Variants in CENPQ observed in about 807,000 individuals in gnomAD.
CENPQ encodes the protein centromere protein Q.
A neutral mutation model predicts 36.6 loss-of-function variants in CENPQ; 27 were observed. The ratio of observed to expected loss-of-function variants is 0.74; its 90% CI spans 0.54 to 1.02. The LOEUF is 1.02. CENPQ is among the 50% of genes least tolerant of loss of function. CENPQ has a pLI of 0.00. For synonymous variants in CENPQ, 101 were observed against 101.7 expected, an observed-to-expected ratio of 0.99 and a Z score of 0.04; for missense variants, 306 against 301.8, an observed-to-expected ratio of 1.01 and a Z score of -0.10.
rs937798835 is a variant in CENPQ, at chr6:49,465,759, G to C, written c.-19+2306G>C. 2.0e-5 allele frequency among the ~76,000 whole-genome samples: 3 copies of C among 152,268 alleles called. No individual in the cohort carries two copies. In the South Asian group the frequency reaches 6.2e-4, roughly 32 times the overall value. On this transcript the variant is annotated intron_variant, in intron 1 of 8. Transcript: ENST00000335783. ...TGAGTTAAGACCTTGCCATGAATTCGTCTTTGGTTTAAGGGCGTGTTGTGG... is the reference window on the plus strand; with the variant it reads ...TGAGTTAAGACCTTGCCATGAATTCCTCTTTGGTTTAAGGGCGTGTTGTGG...
At chr6:49,467,590 C>CT (rs748563987) in intron 1 of CENPQ, among the ~76,000 whole-genome samples, 10 of 151,210 alleles carry the variant, frequency 6.6e-5, no homozygotes, top group Non-Finnish European at 1.2e-4. Context: ...TAAAATTACT[C>CT]TATCAAATTG....
intron 6 of CENPQ, among the ~76,000 whole-genome samples, chr6:49,485,625 T>C (rs1475567231): frequency 6.6e-6 from 1 of 151,980 alleles, no homozygotes; most frequent in Admixed American, 6.6e-5. Flanking sequence ...TTAGAAATAC[T>C]GATAAATGTA....
At chr6:49,472,333 CT>C in intron 4 of CENPQ, 150 bp downstream of exon 4, 1 of 636,688 alleles carries the variant, frequency 1.6e-6, no homozygotes, top group Non-Finnish European at 2.3e-6. Flanking sequence ...CGGTATTTGC[CT>C]TCAGCAGAAA....
chr6:49,471,989 A>G, intron 3 of CENPQ, 74 bp from the exon 4 acceptor site: 2 of 1,461,798 alleles, frequency 1.4e-6, no homozygotes, highest in South Asian at 1.5e-5. Flanking sequence ...TTTTTAGATG[A>G]AAACATTCCA....
chr6:49,470,667 C>T (rs1208684973), intron 2 of CENPQ, among the ~76,000 whole-genome samples: 1 of 149,798 alleles, frequency 6.7e-6, no homozygotes, highest in African/African-American at 2.4e-5. Context: ...TTACCCTACT[C>T]ATTAGGCAAT....
chr6:49,492,646 G>T lies in CENPQ; in HGVS notation c.*371G>T. 6.4e-6 allele frequency: 1 copy of T among 156,050 alleles called. No individual in the cohort carries two copies. Among genetic ancestry groups the T allele is most frequent in the Non-Finnish European group, 1.4e-5 (1 of 70,816 alleles). The allele number at this position is 156,050 out of a possible 1,614,324, so 9.7% of individuals were successfully genotyped here. On this transcript the variant is annotated 3_prime_UTR_variant, in exon 9 of 9. Coordinates refer to ENST00000335783, the MANE Select transcript of CENPQ (RefSeq NM_018132.4). ...TAAGTGTTTACATACACTGTCTAGTGCATAAAAACCTTAGTGTTTGCTATC... is the reference window on the plus strand; with the variant it reads ...TAAGTGTTTACATACACTGTCTAGTTCATAAAAACCTTAGTGTTTGCTATC...
chr6:49,486,934 G>A (rs542067650), intron 6 of CENPQ, among the ~76,000 whole-genome samples: 15 of 151,530 alleles, frequency 9.9e-5, no homozygotes, highest in Admixed American at 5.9e-4. Context: ...ATAACCAGAG[G>A]TCAGGAGTTC....
At chr6:49,485,920 C>G (rs1768566146) in intron 6 of CENPQ, among the ~76,000 whole-genome samples, 2 of 152,028 alleles carry the variant, frequency 1.3e-5, no homozygotes, top group African/African-American at 4.8e-5. Context: ...TTATATTTAA[C>G]CCTTTTGTTC....
rs773250167 is a variant in CENPQ at position 49,470,180 on chromosome 6, T to G, written c.4T>G (p.Ser2Ala). Reference protein sequence around the residue: MSGKANASKKNA... With the variant: MAGKANASKKNA... ...GAAGCACTGTGTTTAGATCAAGATG[T>G]CTGGTAAAGCAAATGCTTCCAAGAA... The change falls in exon 2 of 9, where the codon TCT (serine) becomes GCT (alanine). Residue 2 changes from serine to alanine, a missense_variant. Ser to Ala is a moderately conservative substitution (Grantham distance 99, BLOSUM62 1). Transcript: ENST00000335783. The G allele has an allele frequency of 6.9e-6, 11 of 1,590,514 alleles. No homozygotes were observed. Among genetic ancestry groups the G allele is most frequent in the African/African-American group, 1.4e-5 (1 of 73,656 alleles).
chr6:49,484,312 A>C (rs1467114920), intron 6 of CENPQ, among the ~76,000 whole-genome samples: 4 of 152,222 alleles, frequency 2.6e-5, no homozygotes, highest in Admixed American at 2.6e-4. Context: ...TAAAGTTGAG[A>C]TGCTAACTTT....
chr6:49,477,948 C>T lies in CENPQ; in HGVS notation c.348-3003C>T, dbSNP rs187412538. Among the ~76,000 whole-genome samples, 202 of 152,250 alleles carry T rather than the reference C, an allele frequency of 1.3e-3. 2 individuals are homozygous for T. Among genetic ancestry groups the T allele is most frequent in the African/African-American group, 4.7e-3 (196 of 41,552 alleles). ...GTTTAGTTTATGAATGTGACTATTA[C>T]ATAATAGTTGCTGTTCATAGTGATC... On this transcript the variant is annotated intron_variant, in intron 5 of 8. Coordinates refer to ENST00000335783, the MANE Select transcript of CENPQ (RefSeq NM_018132.4).
chr6:49,472,595 G>A (rs927717068), intron 4 of CENPQ, among the ~76,000 whole-genome samples, 195 bp from the exon 5 acceptor site: 4 of 152,080 alleles, frequency 2.6e-5, no homozygotes, highest in African/African-American at 7.2e-5. Context: ...ACAATACAGT[G>A]TGGCAAAATA....
intron 1 of CENPQ, among the ~76,000 whole-genome samples, chr6:49,465,791 T>G (rs1767987148): frequency 6.6e-6 from 1 of 152,236 alleles, no homozygotes; most frequent in Non-Finnish European, 1.5e-5. Context: ...GTGGCTAGTT[T>G]GATCTTCAAT....
At chr6:49,483,616 A>G (rs987404428) in intron 6 of CENPQ, among the ~76,000 whole-genome samples, 1 of 152,162 alleles carries the variant, frequency 6.6e-6, no homozygotes, top group Admixed American at 6.5e-5. Context: ...GTGGGCTGGC[A>G]CTGCTGGGGG....
intron 6 of CENPQ, among the ~76,000 whole-genome samples, chr6:49,486,454 C>T (rs1216022498): frequency 6.6e-6 from 1 of 152,200 alleles, no homozygotes; most frequent in Admixed American, 6.5e-5. Context: ...ACCAGTTAAA[C>T]TTCACCAGGG....
intron 5 of CENPQ, among the ~76,000 whole-genome samples, chr6:49,476,611 G>C (rs1383912783): frequency 6.6e-6 from 1 of 152,126 alleles, no homozygotes; most frequent in Admixed American, 6.6e-5. Context: ...CACATCAAAA[G>C]AAACTACCAT....
chr6:49,469,528 A>G (rs1270819136), intron 1 of CENPQ, among the ~76,000 whole-genome samples: 1 of 152,148 alleles, frequency 6.6e-6, no homozygotes, highest in African/African-American at 2.4e-5. Context: ...CCCATTTCCA[A>G]TCCCATGTCT....
chr6:49,473,466 A>G (rs1768193703), intron 5 of CENPQ, among the ~76,000 whole-genome samples: 1 of 152,172 alleles, frequency 6.6e-6, no homozygotes, highest in Non-Finnish European at 1.5e-5. Context: ...AGACAAGCAA[A>G]TGCTGAGAGA....
At chr6:49,469,300 T>C (rs1479428219) in intron 1 of CENPQ, among the ~76,000 whole-genome samples, 1 of 152,248 alleles carries the variant, frequency 6.6e-6, no homozygotes, top group Non-Finnish European at 1.5e-5. Context: ...TATATCTAGC[T>C]ATGGCTAATA....
Sources: allele counts gnomAD v4.1 joint callset (sites outside exome capture counted in the v4.1 genomes callset), GRCh38; gene constraint gnomAD v4.1.1; transcripts MANE v1.5; gene names NCBI Gene and HGNC (gene_info 2026-07-23, HGNC 2026-07-21).